POLR1B: variants seen among roughly 807,000 people sequenced by gnomAD.
The protein encoded by POLR1B is RNA polymerase I subunit B.
POLR1B carries 30 observed loss-of-function variants against 105.8 expected under a neutral mutation model. The observed-to-expected ratio is 0.28, with a 90% CI of 0.21 to 0.38. The LOEUF (loss-of-function observed/expected upper bound fraction) is 0.38. POLR1B is among the 10% of genes least tolerant of loss of function. The pLI is 1.00. For synonymous variants in POLR1B, 485 were observed against 505.1 expected, an observed-to-expected ratio of 0.96 and a Z score of 0.53; for missense variants, 976 against 1,435.8, an observed-to-expected ratio of 0.68 and a Z score of 5.17.
intron 12 of POLR1B, among the ~76,000 whole-genome samples, chr2:112,569,520 TTTC>T (rs1363291424): frequency 6.6e-6 from 1 of 152,212 alleles, no homozygotes; most frequent in Admixed American, 6.5e-5. Context: ...GTCTCTGTCA[TTTC>T]TAGTTAGAAG....
intron 12 of POLR1B, among the ~76,000 whole-genome samples, chr2:112,572,051 G>A (rs1308137866): frequency 1.3e-5 from 2 of 152,016 alleles, no homozygotes; most frequent in Non-Finnish European, 2.9e-5. Flanking sequence ...TCATTTTGTC[G>A]TGAAATGATT....
intron 9 of POLR1B, among the ~76,000 whole-genome samples, chr2:112,561,673 T>TG (rs1479816258): frequency 6.6e-6 from 1 of 152,182 alleles, no homozygotes; most frequent in African/African-American, 2.4e-5. Flanking sequence ...AAATATATAT[T>TG]GTTCACGTGG....
At chr2:112,559,952 G>A (rs143926932) in intron 9 of POLR1B, among the ~76,000 whole-genome samples, 1 of 152,154 alleles carries the variant, frequency 6.6e-6, no homozygotes, top group East Asian at 1.9e-4. Context: ...TTTTTAACCT[G>A]TTAAGTTGTG....
At chr2:112,542,415 G>C (rs781000806), upstream of POLR1B, 38 of 1,612,440 alleles carry the variant, frequency 2.4e-5, no homozygotes, top group African/African-American at 4.8e-4. Flanking sequence ...ACGGGACTGC[G>C]GCCACTACTT....
At chr2:112,546,718 C>T (rs566181540) in intron 1 of POLR1B, among the ~76,000 whole-genome samples, 349 of 151,498 alleles carry the variant, frequency 2.3e-3, no homozygotes, top group Non-Finnish European at 4.1e-3. Flanking sequence ...CCCACCACCA[C>T]GCCTGGCTAA....
At chr2:112,562,044 C>T (rs1477278048) in intron 9 of POLR1B, among the ~76,000 whole-genome samples, 1 of 152,098 alleles carries the variant, frequency 6.6e-6, no homozygotes, top group Non-Finnish European at 1.5e-5. Context: ...TGAAAACGTG[C>T]CAGTGAACAG....
At chr2:112,573,840 T>C in intron 14 of POLR1B, 25 bp downstream of exon 14, 1 of 1,595,442 alleles carries the variant, frequency 6.3e-7, no homozygotes, top group Non-Finnish European at 8.6e-7. Flanking sequence ...CCAAGCTGTT[T>C]TGTTTTTGTT....
At chr2:112,563,930 C>T (rs773502680) in intron 9 of POLR1B, among the ~76,000 whole-genome samples, 10 of 151,886 alleles carry the variant, frequency 6.6e-5, no homozygotes, top group Non-Finnish European at 1.5e-4. Flanking sequence ...TTTGCTCATC[C>T]TCTAAGAAGC....
chr2:112,558,222 G>T (rs898357881), intron 8 of POLR1B, 141 bp downstream of exon 8: 3 of 544,618 alleles, frequency 5.5e-6, no homozygotes. Context: ...ACAACTATTG[G>T]TCTAAAGGGC....
chr2:112,564,170 G>A (rs1002664758), intron 9 of POLR1B, 196 bp from the exon 10 acceptor site: 14 of 544,680 alleles, frequency 2.6e-5, no homozygotes, highest in Admixed American at 1.3e-4. Flanking sequence ...AACACTTGTC[G>A]TTGGAAAAAT....
intron 6 of POLR1B, 150 bp from the exon 7 acceptor site, chr2:112,552,495 C>A (rs954392110): frequency 2.6e-6 from 2 of 782,342 alleles, no homozygotes; most frequent in East Asian, 6.0e-5. Flanking sequence ...ATAAGCACTT[C>A]AAATGTGGCC....
intron 10 of POLR1B, among the ~76,000 whole-genome samples, chr2:112,565,734 A>C (rs1334535927): frequency 6.6e-6 from 1 of 152,008 alleles, no homozygotes; most frequent in Non-Finnish European, 1.5e-5. Context: ...ACCCTGACCC[A>C]GTCCTTTGGG....
chr2:112,565,054 T>C (rs1684201688), intron 10 of POLR1B, among the ~76,000 whole-genome samples: 1 of 152,256 alleles, frequency 6.6e-6, no homozygotes, highest in Admixed American at 6.5e-5. Flanking sequence ...AAAAAATGTT[T>C]AAACTAAATT....
Position 112,578,484 on chromosome 2 carries a change from T to G in POLR1B, c.*2755T>G, listed in dbSNP as rs939488832. On this transcript the variant is annotated 3_prime_UTR_variant, in exon 15 of 15. Transcript: ENST00000263331. The stretch of plus-strand genomic sequence containing the variant: ...CTTGAGATACATCCAGGTAGTTGCA[T>G]GTATCAATAGTTAATTCCTTTTTAT... Among the ~76,000 whole-genome samples the G allele has an allele frequency of 2.0e-5, 3 of 152,236 alleles. No homozygotes were observed.
intron 14 of POLR1B, among the ~76,000 whole-genome samples, chr2:112,574,203 A>G (rs1045992757): frequency 2.6e-5 from 4 of 152,140 alleles, no homozygotes; most frequent in African/African-American, 7.2e-5. Context: ...CTCACATACA[A>G]TGTTAGCAAT....
intron 9 of POLR1B, among the ~76,000 whole-genome samples, chr2:112,563,052 T>C (rs1256394118): frequency 1.4e-5 from 2 of 147,352 alleles, no homozygotes; most frequent in East Asian, 2.0e-4. Flanking sequence ...TTCTTTCTTT[T>C]TTTTTTTTCT....
rs1235761951 is a variant in POLR1B at position 112,547,157 on chromosome 2, G to A, written c.323G>A (p.Ser108Asn). The change falls in exon 2 of 15, where the codon AGT (serine) becomes AAT (asparagine). Residue 108 changes from serine to asparagine, a missense_variant. Ser to Asn is a conservative substitution (Grantham distance 46). This residue lies in a region of POLR1B where 452 missense variants were observed against 616.5 expected (regional missense o/e 0.73). Transcript: ENST00000263331. ...CCAGCAGAATGCCGGGGCCGAAGGA[G>A]TACCTACCGTGGGAAGTTGACAGTG... Reference protein sequence around the residue: ...VYPAECRGRRSTYRGKLTADI... With the variant: ...VYPAECRGRRNTYRGKLTADI... 3.2e-5 allele frequency: 52 copies of A among 1,614,162 alleles called. No homozygotes were observed. Among genetic ancestry groups the A allele is most frequent in the Middle Eastern group, 1.7e-4 (1 of 6,060 alleles).
At chr2:112,552,503 G>A in intron 6 of POLR1B, 142 bp from the exon 7 acceptor site, 1 of 838,698 alleles carries the variant, frequency 1.2e-6, no homozygotes, top group South Asian at 2.1e-5. Context: ...TTCAAATGTG[G>A]CCAGTGTAGC....
At chr2:112,572,371 GTC>G (rs1684639101) in intron 12 of POLR1B, among the ~76,000 whole-genome samples, 189 bp from the exon 13 acceptor site, 1 of 152,114 alleles carries the variant, frequency 6.6e-6, no homozygotes, top group Non-Finnish European at 1.5e-5. Context: ...TCCTGGTCTG[GTC>G]ACGTTGATAC....
Sources: allele counts gnomAD v4.1 joint callset (sites outside exome capture counted in the v4.1 genomes callset), GRCh38; gene constraint gnomAD v4.1.1; regional missense constraint gnomAD v4.1.1; transcripts MANE v1.5; gene names NCBI Gene and HGNC (gene_info 2026-07-23, HGNC 2026-07-21).